TEX22: variants seen among roughly 807,000 people sequenced by gnomAD.
TEX22 encodes the protein testis-expressed protein 22.
A neutral mutation model predicts 11.3 loss-of-function variants in TEX22; 16 were observed. The observed-to-expected ratio is 1.42, with a 90% CI of 0.96 to 2.15. The LOEUF (loss-of-function observed/expected upper bound fraction) is 2.15. Ranked by LOEUF, TEX22 falls within the 30% of genes most tolerant of loss-of-function variation. TEX22 has a pLI of 0.00. For missense variants in TEX22, 220 were observed against 208.6 expected (o/e 1.05, Z -0.34); for synonymous variants, 97 against 92.3 (o/e 1.05, Z -0.29).
intron 2 of TEX22, among the ~76,000 whole-genome samples, chr14:105,408,952 CCCTCCCCCTCCTCCTGCTCCTCCT>C (rs1195340955): frequency 6.7e-6 from 1 of 149,794 alleles, no homozygotes; most frequent in Non-Finnish European, 1.5e-5. Context: ...CCCCTCCTCC[CCCTCCCCCTCCTCCTGCTCCTCCT>C]CCTCCTCCTC....
In TEX22 at chr14:105,402,873, C is replaced by T. The variant is rs114006859; in HGVS notation, c.150+3383C>T. Among the ~76,000 whole-genome samples, 929 of 151,984 alleles carry T rather than the reference C, an allele frequency of 6.1e-3. 15 individuals carry two copies. Among genetic ancestry groups the T allele is most frequent in the African/African-American group, 0.021 (883 of 41,444 alleles). On this transcript the variant is annotated intron_variant, in intron 2 of 3. Coordinates refer to ENST00000451127, the MANE Select transcript of TEX22 (RefSeq NM_001195082.2). ...GGAGATGGTTATCATATTGGATGGG[C>T]AGATTTCATATGTGTGTTTTTGAGA...
chr14:105,407,205 T>C (rs1181101495), intron 2 of TEX22, among the ~76,000 whole-genome samples: 3 of 151,650 alleles, frequency 2.0e-5, no homozygotes, highest in Non-Finnish European at 4.4e-5. Flanking sequence ...GTAGCTGGGA[T>C]TACAGGTGCA....
chr14:105,404,271 A>G (rs2081647488), intron 2 of TEX22, among the ~76,000 whole-genome samples: 2 of 152,306 alleles, frequency 1.3e-5, no homozygotes, highest in South Asian at 4.1e-4. Context: ...GGACAGCTTC[A>G]GTATCCTCAG....
At chr14:105,399,845 G>T in intron 2 of TEX22, among the ~76,000 whole-genome samples, 1 of 152,224 alleles carries the variant, frequency 6.6e-6, no homozygotes, top group East Asian at 1.9e-4. Context: ...GGTCCCCAGG[G>T]GGGGTGGTGT....
Position 105,411,372 on chromosome 14 carries a change from G to C in TEX22, c.155G>C (p.Cys52Ser). The C allele has an allele frequency of 3.8e-6, 5 of 1,328,780 alleles. No homozygotes were observed. The highest frequency in any genetic ancestry group is 4.8e-6 in the Non-Finnish European group (5 of 1,039,016). 82.3% of individuals were successfully genotyped at this position (1,328,780 alleles called of 1,614,324 possible). A position where few individuals can be genotyped will look rare whatever the true frequency, so the allele number is the denominator to read the frequency against. The stretch of plus-strand genomic sequence containing the variant: ...ACCCGCTGCCCTGTCCCCCAGGTGT[G>C]CGAGCCGCCGGAACGCAGGCGCCCG... ...QQGLQTQDWVCEPPERRRPGR... is the reference protein window; with the variant it reads ...QQGLQTQDWVSEPPERRRPGR... Residue 52 changes from cysteine (C) to serine (S), a missense_variant, in exon 3 of 4, where the codon TGC becomes TCC. Transcript: ENST00000451127.
chr14:105,399,224 C>T (rs1555418088), intron 1 of TEX22, 78 bp from the exon 2 acceptor site: 7 of 821,444 alleles, frequency 8.5e-6, no homozygotes, highest in Non-Finnish European at 1.3e-5. Flanking sequence ...CACCATCTGC[C>T]CCCAGGGACT....
chr14:105,405,083 G>C (rs955299927), intron 2 of TEX22, among the ~76,000 whole-genome samples: 3 of 152,034 alleles, frequency 2.0e-5, no homozygotes, highest in Non-Finnish European at 4.4e-5. Context: ...TGGGAGGATT[G>C]CTTGAGCTCA....
chr14:105,408,533 C>G (rs587730474), intron 2 of TEX22, among the ~76,000 whole-genome samples: 4 of 152,186 alleles, frequency 2.6e-5, no homozygotes, highest in Non-Finnish European at 4.4e-5. Flanking sequence ...AAGCAATTCT[C>G]CTGCCTTAGC....
At chr14:105,402,441 A>G (rs1947902338) in intron 2 of TEX22, among the ~76,000 whole-genome samples, 1 of 152,052 alleles carries the variant, frequency 6.6e-6, no homozygotes, top group South Asian at 2.1e-4. Flanking sequence ...AGCAACAGGA[A>G]CTATGAAGTT....
chr14:105,401,104 AGGATG>A (rs1385065537), intron 2 of TEX22, among the ~76,000 whole-genome samples: 1 of 152,242 alleles, frequency 6.6e-6, no homozygotes, highest in African/African-American at 2.4e-5. Context: ...CATAGCCGTA[AGGATG>A]GGTCCTGCAC....
In TEX22 at chr14:105,411,789, T is replaced by G. The variant is rs1403868689; in HGVS notation, c.409T>G (p.Trp137Gly). Residue 137 changes from tryptophan (W) to glycine (G), a missense_variant, in exon 4 of 4, where the codon TGG becomes GGG. Transcript: ENST00000451127. The part of the protein sequence containing the change: ...QAFLARSAPF[W>G]HNATFEASRS... Reference sequence around the variant, plus strand: ...CTTCCTGGCGCGCAGTGCGCCTTTCTGGCATAATGCGACTTTCGAGGCCTC... The same window carrying G: ...CTTCCTGGCGCGCAGTGCGCCTTTCGGGCATAATGCGACTTTCGAGGCCTC... 8.8e-6 allele frequency: 13 copies of G among 1,482,002 alleles called. No individual in the cohort carries two copies. The East Asian group carries it at 3.7e-4, about 42-fold the overall frequency. The allele number at this position is 1,482,002 out of a possible 1,614,324, so 91.8% of individuals were successfully genotyped here.
intron 2 of TEX22, among the ~76,000 whole-genome samples, chr14:105,410,099 C>T (rs781905894): frequency 6.6e-5 from 10 of 152,064 alleles, no homozygotes; most frequent in Non-Finnish European, 1.5e-4. Context: ...TTGTTTGAGA[C>T]GGAGTTTTGC....
Position 105,412,042 on chromosome 14 carries a change from AG to A in TEX22, c.*213del. On this transcript the variant is annotated 3_prime_UTR_variant, in exon 4 of 4. Coordinates refer to ENST00000451127, the MANE Select transcript of TEX22 (RefSeq NM_001195082.2). This position sits in a 1 kb window ranked among gnomAD's most constrained non-coding sequence, Gnocchi z 5.8. The stretch of plus-strand genomic sequence containing the variant: ...GGGGCTATGGGAGGCCATCTAGGGG[AG>A]GGGAACACTGCCCCGGGTCAGTCTG... 1 of 451,888 alleles carries A rather than the reference AG, an allele frequency of 2.2e-6. No individual in the cohort carries two copies. The highest frequency in any genetic ancestry group is 3.8e-6 in the Non-Finnish European group (1 of 260,872). 28.0% of individuals were successfully genotyped at this position (451,888 alleles called of 1,614,324 possible). A position where few individuals can be genotyped will look rare whatever the true frequency, so the allele number is the denominator to read the frequency against.
Position 105,402,599 on chromosome 14 carries a change from C to CA in TEX22, c.150+3116dup, listed in dbSNP as rs1202991023. 2.9e-4 allele frequency among the ~76,000 whole-genome samples: 44 copies of CA among 151,048 alleles called. 1 individual carries two copies. Among genetic ancestry groups the CA allele is most frequent in the Admixed American group, 1.1e-3 (16 of 15,208 alleles). On this transcript the variant is annotated intron_variant, in intron 2 of 3. Transcript: ENST00000451127. ...GAAACCCCGTCTCTACTAAAAAATA[C>CA]AAAAAAATTAGCCGGGCGTGGTGGC...
chr14:105,399,845 G>C (rs1397713863), intron 2 of TEX22, among the ~76,000 whole-genome samples: 2 of 152,224 alleles, frequency 1.3e-5, no homozygotes, highest in Non-Finnish European at 2.9e-5. Context: ...GGTCCCCAGG[G>C]GGGGTGGTGT....
At chr14:105,410,509 G>A (rs587722882) in intron 2 of TEX22, among the ~76,000 whole-genome samples, 4 of 152,350 alleles carry the variant, frequency 2.6e-5, no homozygotes, top group African/African-American at 9.6e-5. Flanking sequence ...CCACTGCTGT[G>A]TTGGAGTGCG....
At position 105,411,481 on chromosome 14, in the gene TEX22, C is replaced by T; in HGVS notation, c.264C>T (p.Thr88=). The T allele has an allele frequency of 8.1e-7, 1 of 1,233,096 alleles. No homozygotes were observed. Among genetic ancestry groups the T allele is most frequent in the South Asian group, 3.7e-5 (1 of 27,106 alleles). 76.4% of individuals were successfully genotyped at this position (1,233,096 alleles called of 1,614,324 possible). The change falls in exon 3 of 4, where the codon ACC becomes ACT. Residue 88 remains threonine (T), a synonymous_variant. Transcript: ENST00000451127. ...GGGAGAGGCCGGGCGCCGCCGGGAC[C>T]CAGCTGCACTGCAGGGTGCGCGGGG... ...GGRERPGAAG[T]QLHCRDVVQM... is the part of the protein sequence containing the mutation.
At chr14:105,399,769 T>C (rs1287280187) in intron 2 of TEX22, among the ~76,000 whole-genome samples, 1 of 152,058 alleles carries the variant, frequency 6.6e-6, no homozygotes, top group Non-Finnish European at 1.5e-5. Flanking sequence ...GCAACACACT[T>C]CCCTTAGCTC....
intron 2 of TEX22, among the ~76,000 whole-genome samples, chr14:105,409,082 G>A (rs1035778630): frequency 1.3e-5 from 2 of 151,818 alleles, no homozygotes; most frequent in Admixed American, 6.6e-5. Context: ...CTGGAGCTGT[G>A]TTTTCTCCTT....
Sources: allele counts gnomAD v4.1 joint callset (sites outside exome capture counted in the v4.1 genomes callset), GRCh38; gene constraint gnomAD v4.1.1; non-coding constraint Gnocchi (gnomAD v3.1); transcripts MANE v1.5; gene names NCBI Gene and HGNC (gene_info 2026-07-23, HGNC 2026-07-21).